Variants in HKDC1 observed in about 807,000 individuals in gnomAD.
HKDC1 encodes hexokinase domain containing 1, also known as hexokinase HKDC1.
HKDC1 carries 66 observed loss-of-function variants against 96.6 expected under a neutral mutation model. The ratio of observed to expected loss-of-function variants is 0.68; its 90% confidence interval spans 0.56 to 0.84. The LOEUF (loss-of-function observed/expected upper bound fraction) is 0.84. Ranked by LOEUF, HKDC1 falls within the 40% of genes least tolerant of loss-of-function variation. The pLI is 0.00. For synonymous variants in HKDC1, 466 were observed against 473.1 expected, an observed-to-expected ratio of 0.98 and a Z score of 0.20; for missense variants, 1,211 against 1,208.1, an observed-to-expected ratio of 1.00 and a Z score of -0.04.
In HKDC1 at chr10:69,267,289, CTT is replaced by C; in HGVS notation, c.*534_*535del. On this transcript the variant is annotated 3_prime_UTR_variant, in exon 18 of 18. Coordinates refer to ENST00000354624, the MANE Select transcript of HKDC1 (RefSeq NM_025130.4). ...TTCAAACCTATTAAGAGAACAAAGA[CTT>C]TGAAGTATCCAGCCCCAGGGTGCAG... is the stretch of plus-strand genomic sequence containing the variant. 8.8e-6 allele frequency: 3 copies of C among 341,670 alleles called. No individual in the cohort carries two copies. Among genetic ancestry groups the C allele is most frequent in the Non-Finnish European group, 1.7e-5 (3 of 176,608 alleles). 21.2% of individuals were successfully genotyped at this position (341,670 alleles called of 1,614,324 possible). A position where few individuals can be genotyped will look rare whatever the true frequency, so the allele number is the denominator to read the frequency against.
intron 2 of HKDC1, among the ~76,000 whole-genome samples, chr10:69,229,702 A>T (rs1564725386): frequency 6.6e-6 from 1 of 152,134 alleles, no homozygotes; most frequent in African/African-American, 2.4e-5. Context: ...TAACTAAGTC[A>T]TAGAAACTCT....
At chr10:69,248,396 A>G in intron 9 of HKDC1, 28 bp from the exon 10 acceptor site, 1 of 1,529,704 alleles carries the variant, frequency 6.5e-7, no homozygotes, top group Non-Finnish European at 8.8e-7. Flanking sequence ...TATGATTGCT[A>G]AATATTTTGC....
Position 69,232,880 on chromosome 10 carries a change from C to T in HKDC1, c.343C>T (p.Pro115Ser). 6.2e-7 allele frequency: 1 copy of T among 1,613,788 alleles called. No individual in the cohort carries two copies. Among genetic ancestry groups the T allele is most frequent in the Admixed American group, 1.7e-5 (1 of 60,016 alleles). Residue 115 changes from proline to serine, a missense_variant, in exon 3 of 18, where the codon CCC becomes TCC. By Grantham distance (74) the Pro-to-Ser change is moderately conservative (BLOSUM62 -1). Transcript: ENST00000354624. The part of the protein sequence containing the change: ...VQMESQFYPT[P>S]NEIIRGNGTE... ...GATGGAGAGTCAGTTCTACCCAACGCCCAATGAAATCATCCGCGGGAACGG... is the reference window on the plus strand; with the variant it reads ...GATGGAGAGTCAGTTCTACCCAACGTCCAATGAAATCATCCGCGGGAACGG...
At chr10:69,246,850 G>A (rs930619051) in intron 8 of HKDC1, among the ~76,000 whole-genome samples, 4 of 152,198 alleles carry the variant, frequency 2.6e-5, no homozygotes, top group Non-Finnish European at 4.4e-5. Flanking sequence ...TCTTGGCATC[G>A]CCTTGACTTT....
At chr10:69,265,431 C>A (rs80126497) in intron 16 of HKDC1, 154 bp from the exon 17 acceptor site, 1 of 670,128 alleles carries the variant, frequency 1.5e-6, no homozygotes, top group Non-Finnish European at 2.6e-6. Flanking sequence ...TGAGTCTCGG[C>A]TTCTAAGGCA....
At chr10:69,240,563 AC>A in intron 5 of HKDC1, 88 bp from the exon 6 acceptor site, 1 of 1,066,264 alleles carries the variant, frequency 9.4e-7, no homozygotes, top group Non-Finnish European at 1.4e-6. Context: ...CTCAGCAGCC[AC>A]CTTCACTACC....
At chr10:69,257,557 T>C (rs1843738913) in intron 14 of HKDC1, 131 bp downstream of exon 14, 1 of 757,490 alleles carries the variant, frequency 1.3e-6, no homozygotes, top group Non-Finnish European at 2.3e-6. Context: ...GAAGTTACAA[T>C]TGGGATTCCA....
intron 6 of HKDC1, 52 bp downstream of exon 6, chr10:69,240,803 G>T: frequency 7.2e-7 from 1 of 1,393,810 alleles, no homozygotes; most frequent in Non-Finnish European, 1.0e-6. Flanking sequence ...GACTGTTTGG[G>T]AGTTTCATTT....
chr10:69,252,250 C>A, intron 12 of HKDC1, among the ~76,000 whole-genome samples: 1 of 152,048 alleles, frequency 6.6e-6, no homozygotes, highest in East Asian at 1.9e-4. Flanking sequence ...GGTGGCTCAT[C>A]TCTGTAATCC....
Position 69,250,560 on chromosome 10 carries a change from G to A in HKDC1, c.1744G>A (p.Ala582Thr), listed in dbSNP as rs780647583. ...ELFDHIVQCI[A>T]DFLDYMGLKG... is the part of the protein sequence containing the mutation. ...CTTTGATCACATTGTGCAGTGCATC[G>A]CCGACTTCCTGGACTACATGGGCCT... Residue 582 changes from alanine to threonine, a missense_variant, in exon 12 of 18, where the codon GCC becomes ACC. Physicochemically the swap from Ala to Thr is moderately conservative, Grantham distance 58. Coordinates refer to ENST00000354624, the MANE Select transcript of HKDC1 (RefSeq NM_025130.4). 22 of 1,614,018 alleles carry A rather than the reference G, an allele frequency of 1.4e-5. No homozygotes were observed. Among genetic ancestry groups the A allele is most frequent in the South Asian group, 3.3e-5 (3 of 91,084 alleles).
In HKDC1 at chr10:69,265,736, GA is replaced by G; in HGVS notation, c.2530del (p.Arg844GlyfsTer7). 1.2e-6 allele frequency: 2 copies of G among 1,612,748 alleles called. No individual in the cohort carries two copies. The highest frequency in any genetic ancestry group is 1.7e-6 in the Non-Finnish European group (2 of 1,179,648). On this transcript the variant is annotated frameshift_variant, in exon 17 of 18. Transcript: ENST00000354624. LOFTEE classifies it high-confidence loss of function. ...LCGAGLAAIVEKRREDQGLEH... is the reference protein window; with the variant it reads ...LCGAGLAAIVXKRREDQGLEH... Reference sequence around the variant, plus strand: ...CGGTGCTGGCCTGGCCGCTATAGTGGAAAAAAGGAGAGAAGACCAGGGGCTA... The same window carrying G: ...CGGTGCTGGCCTGGCCGCTATAGTGGAAAAAGGAGAGAAGACCAGGGGCTA...
chr10:69,246,271 T>C, intron 8 of HKDC1, 37 bp downstream of exon 8: 18 of 1,606,584 alleles, frequency 1.1e-5, no homozygotes, highest in Non-Finnish European at 1.5e-5. Flanking sequence ...TGTGGAGGGC[T>C]GGGATGGGAG....
chr10:69,229,885 A>G (rs541895942), intron 2 of HKDC1, among the ~76,000 whole-genome samples: 34 of 152,312 alleles, frequency 2.2e-4, no homozygotes, highest in African/African-American at 8.2e-4. Context: ...GTCAGGATTT[A>G]ATGAGATCAT....
At position 69,250,326 on chromosome 10, in the gene HKDC1, C is replaced by T. The variant is rs1260839996; in HGVS notation, c.1607C>T (p.Thr536Ile). Residue 536 changes from threonine to isoleucine, a missense_variant, in exon 11 of 18, where the codon ACC (threonine) becomes ATC (isoleucine). Transcript: ENST00000354624. ...GKFLALDLGG[T>I]NFRVLLVKIR... ...TTTCTCGCCCTGGATCTTGGGGGAA[C>T]CAACTTCCGGGTCCTCCTGGTGAAG... The T allele has an allele frequency of 6.2e-7, 1 of 1,613,994 alleles. No homozygotes were observed. The highest frequency in any genetic ancestry group is 1.3e-5 in the African/African-American group (1 of 74,942).
chr10:69,250,677 G>T (rs1025156780), intron 12 of HKDC1, 25 bp downstream of exon 12: 1 of 1,611,054 alleles, frequency 6.2e-7, no homozygotes, highest in African/African-American at 1.3e-5. Flanking sequence ...CCAGGCTCAC[G>T]GCCAGCCCAG....
At position 69,265,683 on chromosome 10, in the gene HKDC1, C is replaced by A. The variant is rs1843885111; in HGVS notation, c.2471C>A (p.Ala824Asp). 1.2e-6 allele frequency: 2 copies of A among 1,613,762 alleles called. No individual in the cohort carries two copies. The highest frequency in any genetic ancestry group is 2.2e-5 in the South Asian group (2 of 91,070). ...DSIVVKEVCGAVSRRAAQLCG... is the reference protein window; with the variant it reads ...DSIVVKEVCGDVSRRAAQLCG... ...ATCGTGGTGAAGGAGGTGTGCGGAG[C>A]CGTGTCCCGGCGGGCGGCCCAGCTC... Residue 824 changes from alanine (A) to aspartate (D), a missense_variant, in exon 17 of 18, where the codon GCC becomes GAC. Ala to Asp is a moderately radical substitution (Grantham distance 126). Transcript: ENST00000354624.
chr10:69,225,095 G>C (rs1435505134), intron 1 of HKDC1, among the ~76,000 whole-genome samples: 2 of 152,194 alleles, frequency 1.3e-5, no homozygotes, highest in Non-Finnish European at 2.9e-5. Context: ...CTTATTGAAA[G>C]AGCAGCAGCA....
intron 10 of HKDC1, 98 bp downstream of exon 10, chr10:69,248,826 C>A: frequency 8.7e-7 from 1 of 1,147,960 alleles, no homozygotes; most frequent in Non-Finnish European, 1.2e-6. Flanking sequence ...AACTTGGGTT[C>A]ACGTCTCTAA....
chr10:69,230,228 A>G (rs747359535), intron 2 of HKDC1, among the ~76,000 whole-genome samples: 4 of 152,210 alleles, frequency 2.6e-5, no homozygotes, highest in African/African-American at 7.2e-5. Flanking sequence ...TGGAAGGGGC[A>G]TGGGAAGCAT....
Sources: gnomAD v4.1 joint callset for allele counts (sites outside exome capture counted in the v4.1 genomes callset) on GRCh38, gnomAD v4.1.1 for gene constraint, MANE v1.5 for transcripts, NCBI Gene and HGNC (gene_info 2026-07-23, HGNC 2026-07-21) for gene names.